Variants in GFRA1 observed in about 807,000 individuals in gnomAD.
GFRA1 encodes GDNF family receptor alpha 1.
A neutral mutation model predicts 51.6 loss-of-function variants in GFRA1; 16 were observed. That is an observed-to-expected ratio of 0.31 (90% CI 0.21 to 0.47). The LOEUF is 0.47. Ranked by LOEUF, GFRA1 falls within the 20% of genes least tolerant of loss-of-function variation. The probability of loss-of-function intolerance (pLI) is 1.00; values close to 1 mark genes in which losing one functional copy is unlikely to be tolerated. For synonymous variants in GFRA1, 270 were observed against 241.3 expected, an observed-to-expected ratio of 1.12 and a Z score of -1.10; for missense variants, 530 against 594.3, an observed-to-expected ratio of 0.89 and a Z score of 1.13.
At chr10:116,165,871 G>A (rs199927361) in intron 5 of GFRA1, among the ~76,000 whole-genome samples, 1 of 144,966 alleles carries the variant, frequency 6.9e-6, no homozygotes, top group Non-Finnish European at 1.5e-5. Context: ...CATGGGGTTT[G>A]CTGTACAGAT....
intron 5 of GFRA1, among the ~76,000 whole-genome samples, chr10:116,171,151 T>TA (rs564884845): frequency 3.3e-4 from 50 of 152,312 alleles, no homozygotes; most frequent in African/African-American, 1.2e-3. Flanking sequence ...AGGGGACTGT[T>TA]AGAATGAAAG....
intron 5 of GFRA1, among the ~76,000 whole-genome samples, chr10:116,200,433 T>G (rs1964237501): frequency 6.6e-6 from 1 of 152,242 alleles, no homozygotes; most frequent in Admixed American, 6.5e-5. Context: ...GTTTTGGGAA[T>G]CTATTTCAGC....
rs1954868456 is a variant in GFRA1, at chr10:116,062,556, C to T, written c.*1842G>A. On this transcript the variant is annotated 3_prime_UTR_variant, in exon 11 of 11. Transcript: ENST00000355422. ...TTGGATTTCATAGATTTCCCCTTCCCCCCAGTGACTTATCTTACAAGGCAA... is the reference window on the plus strand; with the variant it reads ...TTGGATTTCATAGATTTCCCCTTCCTCCCAGTGACTTATCTTACAAGGCAA... The T allele has an allele frequency of 6.5e-6, 1 of 153,654 alleles. No individual in the cohort carries two copies. Among genetic ancestry groups the T allele is most frequent in the Non-Finnish European group, 1.4e-5 (1 of 69,150 alleles). The allele number at this position is 153,654 out of a possible 1,614,324, so 9.5% of individuals were successfully genotyped here.
Position 116,064,224 on chromosome 10 carries a change from C to A in GFRA1, c.*174G>T. 1.6e-6 allele frequency: 1 copy of A among 619,122 alleles called. No individual in the cohort carries two copies. The highest frequency in any genetic ancestry group is 2.8e-6 in the Non-Finnish European group (1 of 352,886). 38.4% of individuals were successfully genotyped at this position (619,122 alleles called of 1,614,324 possible). On this transcript the variant is annotated 3_prime_UTR_variant, in exon 11 of 11. Transcript: ENST00000355422. ...CACTGCATCAGGTTTTTCACAGAAGCCCCAAAGGATCACAAGAAGCTTTCT... is the reference window on the plus strand; with the variant it reads ...CACTGCATCAGGTTTTTCACAGAAGACCCAAAGGATCACAAGAAGCTTTCT...
Position 116,228,320 on chromosome 10 carries a change from T to C in GFRA1, c.419-16675A>G, listed in dbSNP as rs75023623. Among the ~76,000 whole-genome samples the C allele has an allele frequency of 4.7e-4, 72 of 152,296 alleles. 1 individual carries two copies. Among genetic ancestry groups the C allele is most frequent in the African/African-American group, 1.7e-3 (72 of 41,572 alleles). Reference sequence around the variant, plus strand: ...ATAAGGAAGTTTAAAGGTGTCTTCATCATCTTCCAGCTGGAGATGCCTAAG... The same window carrying C: ...ATAAGGAAGTTTAAAGGTGTCTTCACCATCTTCCAGCTGGAGATGCCTAAG... On this transcript the variant is annotated intron_variant, in intron 4 of 10. Coordinates refer to ENST00000355422, the MANE Select transcript of GFRA1 (RefSeq NM_005264.8).
chr10:116,127,637 C>T (rs2134034021), intron 5 of GFRA1, among the ~76,000 whole-genome samples: 1 of 152,312 alleles, frequency 6.6e-6, no homozygotes, highest in East Asian at 1.9e-4. Context: ...TCCTCTCTAG[C>T]TCCTCTATTT....
At chr10:116,234,173 T>C (rs995133190) in intron 4 of GFRA1, among the ~76,000 whole-genome samples, 2 of 152,188 alleles carry the variant, frequency 1.3e-5, no homozygotes, top group Admixed American at 6.5e-5. Context: ...TTAAGGAAAA[T>C]AGCTAGAAGA....
intron 6 of GFRA1, among the ~76,000 whole-genome samples, chr10:116,104,278 G>T (rs1441732957): frequency 6.6e-6 from 1 of 152,204 alleles, no homozygotes; most frequent in Non-Finnish European, 1.5e-5. Flanking sequence ...GGACAGAAAG[G>T]CCCCTGTGGC....
chr10:116,087,532 A>G lies in GFRA1; in HGVS notation c.1197+2209T>C, dbSNP rs570047164. On this transcript the variant is annotated intron_variant, in intron 9 of 10. Coordinates refer to ENST00000355422, the MANE Select transcript of GFRA1 (RefSeq NM_005264.8). ...AAGGGACTTAATAAACAGGCTGAAC[A>G]CTGAACGCTGCCTCTGCAGTCACCC... 1.3e-4 allele frequency among the ~76,000 whole-genome samples: 20 copies of G among 152,346 alleles called. No individual in the cohort carries two copies. In the South Asian group the frequency reaches 3.9e-3, roughly 30 times the overall value.
intron 6 of GFRA1, among the ~76,000 whole-genome samples, chr10:116,108,396 A>T (rs1957081257): frequency 6.6e-6 from 1 of 152,182 alleles, no homozygotes; most frequent in Non-Finnish European, 1.5e-5. Flanking sequence ...TTGTCACCAG[A>T]TGGCAATTTC....
At chr10:116,173,800 G>A (rs1429062117) in intron 5 of GFRA1, among the ~76,000 whole-genome samples, 2 of 152,116 alleles carry the variant, frequency 1.3e-5, no homozygotes, top group Non-Finnish European at 2.9e-5. Context: ...CAGTTGGCCC[G>A]GCGCGGTGGC....
At chr10:116,127,611 C>T (rs762757935) in intron 5 of GFRA1, among the ~76,000 whole-genome samples, 4 of 152,194 alleles carry the variant, frequency 2.6e-5, no homozygotes, top group Non-Finnish European at 5.9e-5. Context: ...CTCCATCTCG[C>T]TCTTTCTATG....
intron 6 of GFRA1, among the ~76,000 whole-genome samples, chr10:116,116,036 G>A (rs1167722644): frequency 6.6e-6 from 1 of 152,126 alleles, no homozygotes; most frequent in East Asian, 1.9e-4. Flanking sequence ...CTTCACGTCT[G>A]GTAAAGATCC....
intron 5 of GFRA1, among the ~76,000 whole-genome samples, chr10:116,182,488 G>A (rs1962330812): frequency 6.6e-6 from 1 of 152,192 alleles, no homozygotes; most frequent in African/African-American, 2.4e-5. Flanking sequence ...AGAATGAGCA[G>A]ATCTGGAGAG....
At chr10:116,122,074 A>G (rs1289201170) in intron 6 of GFRA1, among the ~76,000 whole-genome samples, 4 of 152,186 alleles carry the variant, frequency 2.6e-5, no homozygotes, top group South Asian at 2.1e-4. Context: ...TCACTTGACA[A>G]TGGGTAACAC....
At chr10:116,177,182 T>G (rs2134253750) in intron 5 of GFRA1, among the ~76,000 whole-genome samples, 1 of 152,264 alleles carries the variant, frequency 6.6e-6, no homozygotes, top group South Asian at 2.1e-4. Context: ...GGCTCCCTAC[T>G]CAGACAATGA....
intron 6 of GFRA1, among the ~76,000 whole-genome samples, chr10:116,103,717 A>G (rs1956900073): frequency 6.6e-6 from 1 of 152,240 alleles, no homozygotes; most frequent in Non-Finnish European, 1.5e-5. Context: ...AAAGGCTAAA[A>G]CACTGGAAAG....
At chr10:116,244,082 A>T (rs1008390753) in intron 4 of GFRA1, among the ~76,000 whole-genome samples, 1 of 152,180 alleles carries the variant, frequency 6.6e-6, no homozygotes, top group African/African-American at 2.4e-5. Context: ...GTTACTAAAG[A>T]TGAACCTATT....
At chr10:116,187,408 C>G (rs1382953813) in intron 5 of GFRA1, among the ~76,000 whole-genome samples, 2 of 152,174 alleles carry the variant, frequency 1.3e-5, no homozygotes, top group East Asian at 3.9e-4. Flanking sequence ...ACGAAGTGCT[C>G]AGTGACATCC....
Sources: gnomAD v4.1 joint callset for allele counts (sites outside exome capture counted in the v4.1 genomes callset) on GRCh38, gnomAD v4.1.1 for gene constraint, MANE v1.5 for transcripts, NCBI Gene and HGNC (gene_info 2026-07-23, HGNC 2026-07-21) for gene names.